The following TEK variants were observed in gnomAD, a reference collection of about 807,000 sequenced individuals.
TEK encodes angiopoietin-1 receptor.
TEK carries 43 observed loss-of-function variants against 131.8 expected under a neutral mutation model. That is an observed-to-expected ratio of 0.33 (90% CI 0.26 to 0.42). TEK has a LOEUF of 0.42. Ranked by LOEUF, TEK falls within the 10% of genes least tolerant of loss-of-function variation. The pLI, the probability that TEK is intolerant of heterozygous loss-of-function variation, is 1.00. For missense variants in TEK, 1,162 were observed against 1,384.4 expected (o/e 0.84, Z 2.55); for synonymous variants, 580 against 491.6 (o/e 1.18, Z -2.38).
chr9:27,152,785 T>C (rs1313343355), intron 1 of TEK, among the ~76,000 whole-genome samples: 1 of 152,176 alleles, frequency 6.6e-6, no homozygotes, highest in Non-Finnish European at 1.5e-5. Flanking sequence ...TAATTTCTAA[T>C]GTAATTAAAT....
At chr9:27,225,341 A>G (rs10967782) in intron 21 of TEK, among the ~76,000 whole-genome samples, 53,036 of 151,908 alleles carry the variant, frequency 0.35, 9,485 homozygotes, top group African/African-American at 0.4. Context: ...TTCAAACTAT[A>G]CTACAAGGCT....
chr9:27,206,213 T>C (rs1825394889), intron 14 of TEK, among the ~76,000 whole-genome samples: 1 of 152,210 alleles, frequency 6.6e-6, no homozygotes, highest in South Asian at 2.1e-4. Context: ...ACATAGGCTC[T>C]CCAAGTTAGT....
At chr9:27,146,865 G>T (rs1763129215) in intron 1 of TEK, among the ~76,000 whole-genome samples, 1 of 151,844 alleles carries the variant, frequency 6.6e-6, no homozygotes. Context: ...GAGTAGCTGG[G>T]ACTACAGGTG....
chr9:27,226,373 C>T (rs1033893194), intron 21 of TEK, among the ~76,000 whole-genome samples: 4 of 152,354 alleles, frequency 2.6e-5, no homozygotes, highest in East Asian at 1.9e-4. Context: ...AAACGTGGCA[C>T]ATATACACCA....
At chr9:27,178,273 T>C (rs1346393376) in intron 6 of TEK, among the ~76,000 whole-genome samples, 1 of 152,090 alleles carries the variant, frequency 6.6e-6, no homozygotes, top group Non-Finnish European at 1.5e-5. Flanking sequence ...TAACTGTAAA[T>C]GTGTAAATTT....
chr9:27,197,413 T>C lies in TEK; in HGVS notation c.1723T>C (p.Tyr575His), dbSNP rs1825069022. ...PIFPSSEDDF[Y>H]VEVERRSVQK... ...ATTTCCAAGCTCGGAAGATGACTTT[T>C]ATGTTGAAGTGGAGAGAAGGTCTGT... Residue 575 changes from tyrosine (Y) to histidine (H), a missense_variant, in exon 12 of 23, where the codon TAT becomes CAT. Coordinates refer to ENST00000380036, the MANE Select transcript of TEK (RefSeq NM_000459.5). 3 of 1,614,140 alleles carry C rather than the reference T, an allele frequency of 1.9e-6. No individual in the cohort carries two copies. Among genetic ancestry groups the C allele is most frequent in the Non-Finnish European group, 2.5e-6 (3 of 1,179,998 alleles).
In TEK at chr9:27,184,719, G is replaced by T. The variant is rs376801861; in HGVS notation, c.1183-766G>T. On this transcript the variant is annotated intron_variant, in intron 8 of 22. Transcript: ENST00000380036. ...CGGAAGTGGGAACTGGCTGGGTGAA[G>T]TTAAGTAACTAAGGAATTGGTCAAA... 1.8e-4 allele frequency among the ~76,000 whole-genome samples: 27 copies of T among 152,190 alleles called. No individual in the cohort carries two copies. The South Asian group carries it at 5.6e-3, about 32-fold the overall frequency.
chr9:27,128,119 G>T (rs971182382), intron 1 of TEK, among the ~76,000 whole-genome samples: 3 of 152,104 alleles, frequency 2.0e-5, no homozygotes, highest in Admixed American at 1.3e-4. Context: ...GGTCTAACTT[G>T]TAAGTCTTTA....
At chr9:27,141,259 A>T (rs1822712958) in intron 1 of TEK, among the ~76,000 whole-genome samples, 1 of 151,570 alleles carries the variant, frequency 6.6e-6, no homozygotes, top group African/African-American at 2.4e-5. Context: ...TTTGGCTTAT[A>T]TTTTGTTTAT....
intron 21 of TEK, among the ~76,000 whole-genome samples, chr9:27,221,956 A>G (rs889621839): frequency 1.3e-5 from 2 of 152,360 alleles, no homozygotes; most frequent in South Asian, 2.1e-4. Flanking sequence ...CTAAACGAGC[A>G]TGTTCTAACC....
At chr9:27,132,869 G>C (rs749605820) in intron 1 of TEK, among the ~76,000 whole-genome samples, 18 of 152,242 alleles carry the variant, frequency 1.2e-4, no homozygotes, top group African/African-American at 4.3e-4. Context: ...AAGAGAGAGA[G>C]ACAGAGAAAT....
At chr9:27,122,086 G>A (rs1821816612) in intron 1 of TEK, among the ~76,000 whole-genome samples, 1 of 152,170 alleles carries the variant, frequency 6.6e-6, no homozygotes. Flanking sequence ...TAACGAGCAG[G>A]CAATGCCCGT....
intron 22 of TEK, 34 bp downstream of exon 22, chr9:27,228,339 T>C: frequency 6.6e-7 from 1 of 1,504,230 alleles, no homozygotes; most frequent in Non-Finnish European, 9.2e-7. Context: ...GATCTTTAAT[T>C]GGAATACCTG....
At chr9:27,186,251 A>C (rs1484046600) in intron 9 of TEK, among the ~76,000 whole-genome samples, 1 of 150,152 alleles carries the variant, frequency 6.7e-6, no homozygotes, top group East Asian at 2.0e-4. Flanking sequence ...CTTGAGTGGA[A>C]GAACTAAAAT....
rs1198721013 is a variant in TEK, at chr9:27,197,331, A to C, written c.1641A>C (p.Arg547Ser). 1.9e-6 allele frequency: 3 copies of C among 1,614,080 alleles called. No individual in the cohort carries two copies. The African/African-American group carries it at 4.0e-5, about 22-fold the overall frequency. ...TTASIGLPPP[R>S]GLNLLPKSQT... ...TTCTCCTAGGACTCCCTCCTCCAAG[A>C]GGTCTAAATCTCCTGCCTAAAAGTC... The change falls in exon 12 of 23, where the codon AGA becomes AGC. Residue 547 changes from arginine (R) to serine (S), a missense_variant. Transcript: ENST00000380036.
At chr9:27,192,400 A>G (rs1232582502) in intron 10 of TEK, 89 bp from the exon 11 acceptor site, 3 of 1,522,908 alleles carry the variant, frequency 2.0e-6, no homozygotes, top group Non-Finnish European at 2.7e-6. Context: ...GAAAACCTAA[A>G]ATTAGTTCAC....
At chr9:27,160,831 G>C (rs918077783) in intron 2 of TEK, among the ~76,000 whole-genome samples, 1 of 152,212 alleles carries the variant, frequency 6.6e-6, no homozygotes, top group Non-Finnish European at 1.5e-5. Context: ...TCTCCGTTGA[G>C]GGAAGAGAGG....
Position 27,218,813 on chromosome 9 carries a change from C to T in TEK, c.3099C>T (p.Ser1033=), listed in dbSNP as rs1370470466. The change falls in exon 20 of 23, where the codon AGC becomes AGT. Residue 1033 remains serine (S), a synonymous_variant. Transcript: ENST00000380036. The stretch of plus-strand genomic sequence containing the variant: ...GTGTGTTACTATGGGAGATTGTTAG[C>T]TTAGGTGAGTATCTATGTTTATCTA... ...SYGVLLWEIV[S]LGGTPYCGMT... 18 of 1,613,760 alleles carry T rather than the reference C, an allele frequency of 1.1e-5. No homozygotes were observed. The highest frequency in any genetic ancestry group is 1.4e-5 in the Non-Finnish European group (16 of 1,179,890).
intron 12 of TEK, chr9:27,198,442 G>C (rs892313971): frequency 2.0e-5 from 3 of 152,228 alleles, no homozygotes; most frequent in African/African-American, 7.2e-5. Context: ...GAACAGGTGT[G>C]GAAGCTGGCT....
Sources: allele counts gnomAD v4.1 joint callset (sites outside exome capture counted in the v4.1 genomes callset), GRCh38; gene constraint gnomAD v4.1.1; transcripts MANE v1.5; gene names NCBI Gene and HGNC (gene_info 2026-07-23, HGNC 2026-07-21).